Variants in NHS observed in about 807,000 individuals in gnomAD.
The protein encoded by NHS is actin remodeling regulator NHS.
In NHS, 5 loss-of-function variants were observed where a neutral mutation model predicts 72.5. The observed-to-expected ratio is 0.07, with a 90% CI of 0.04 to 0.14. The LOEUF (loss-of-function observed/expected upper bound fraction) is 0.14. Among genes scored for constraint, NHS ranks in the 10% least tolerant of loss-of-function variants. The pLI, the probability that NHS is intolerant of heterozygous loss-of-function variation, is 1.00. For synonymous variants in NHS, 464 were observed against 547.7 expected, an observed-to-expected ratio of 0.85 and a Z score of 2.13; for missense variants, 1,072 against 1,355.7, an observed-to-expected ratio of 0.79 and a Z score of 3.29.
chrX:17,714,377 G>A (rs781708452), intron 3 of NHS, among the ~76,000 whole-genome samples: 21 of 111,014 alleles, frequency 1.9e-4, no homozygotes, highest in Admixed American at 1.1e-3. Context: ...ACTTATTCTG[G>A]GGAAACCAAA....
intron 1 of NHS, among the ~76,000 whole-genome samples, chrX:17,376,965 G>A (rs1487539529): frequency 8.9e-6 from 1 of 112,901 alleles, no homozygotes; most frequent in Non-Finnish European, 1.9e-5. Context: ...GGCCCGGAGG[G>A]GCCGCGGGGA....
chrX:17,718,114 T>G (rs1157231428), intron 3 of NHS, among the ~76,000 whole-genome samples: 1 of 110,734 alleles, frequency 9.0e-6, no homozygotes, highest in Non-Finnish European at 1.9e-5. Flanking sequence ...TATACTTTAC[T>G]CATTTAATCC....
intron 1 of NHS, among the ~76,000 whole-genome samples, chrX:17,531,406 C>T (rs1569273927): frequency 9.0e-6 from 1 of 111,105 alleles, no homozygotes; most frequent in Admixed American, 9.5e-5. Flanking sequence ...TCTCAGATCC[C>T]TCTTCTGCCC....
chrX:17,421,824 A>G (rs961137539), intron 1 of NHS, among the ~76,000 whole-genome samples: 6 of 111,735 alleles, frequency 5.4e-5, no homozygotes, highest in Admixed American at 1.9e-4. Flanking sequence ...TGATCCGCCC[A>G]CCTCAGCTTC....
At position 17,471,458 on chromosome X, in the gene NHS, T is replaced by A. The variant is rs1271944949; in HGVS notation, c.565+95136T>A. Among the ~76,000 whole-genome samples, 3 of 112,640 alleles carry A rather than the reference T, an allele frequency of 2.7e-5. No homozygotes were observed. The Admixed American group carries it at 2.8e-4, about 11-fold the overall frequency. ...TGGAAAAGAGCAACATTTAGATTTT[T>A]AAAAAATAACAAATTATCCAATTAT... On this transcript the variant is annotated intron_variant, in intron 1 of 8. Coordinates refer to ENST00000676302, the MANE Select transcript of NHS (RefSeq NM_001291867.2).
chrX:17,600,311 A>T (rs745376283), intron 1 of NHS, among the ~76,000 whole-genome samples: 210 of 109,997 alleles, frequency 1.9e-3, no homozygotes, highest in African/African-American at 6.8e-3. Context: ...AGAGAGAGAG[A>T]GAGTGAGTTG....
chrX:17,487,621 A>T (rs911960861), intron 1 of NHS, among the ~76,000 whole-genome samples: 1 of 111,146 alleles, frequency 9.0e-6, no homozygotes. Context: ...TGGCTGTCCT[A>T]TGTGTCTGGT....
Position 17,387,839 on chromosome X carries a change from G to T in NHS, c.565+11517G>T, listed in dbSNP as rs139379476. ...TCAGGTTGTTGACAAAACTAAGAAA[G>T]TCAAGGTGTGCAGGCACTGAGAACT... is the stretch of plus-strand genomic sequence containing the variant. On this transcript the variant is annotated intron_variant, in intron 1 of 8. Transcript: ENST00000676302. Among the ~76,000 whole-genome samples, 541 of 113,184 alleles carry T rather than the reference G, an allele frequency of 4.8e-3. 3 individuals carry two copies. Among genetic ancestry groups the T allele is most frequent in the Non-Finnish European group, 6.4e-3 (342 of 53,432 alleles).
At chrX:17,713,033 T>C (rs2066344163) in intron 3 of NHS, among the ~76,000 whole-genome samples, 1 of 111,642 alleles carries the variant, frequency 9.0e-6, no homozygotes, top group African/African-American at 3.3e-5. Flanking sequence ...AGGGTGAATG[T>C]AGAATGATGT....
chrX:17,730,475 A>G (rs2066479921), intron 8 of NHS, among the ~76,000 whole-genome samples: 1 of 112,441 alleles, frequency 8.9e-6, no homozygotes, highest in African/African-American at 3.2e-5. Flanking sequence ...TGCCATATAC[A>G]AGATATCAAC....
intron 1 of NHS, among the ~76,000 whole-genome samples, chrX:17,397,905 T>C (rs1018133136): frequency 6.3e-5 from 7 of 111,792 alleles, no homozygotes; most frequent in Non-Finnish European, 1.9e-5. Context: ...AGGGACTCCA[T>C]AAGGAAGAAG....
At chrX:17,543,178 T>G (rs983893811) in intron 1 of NHS, among the ~76,000 whole-genome samples, 1 of 111,632 alleles carries the variant, frequency 9.0e-6, no homozygotes, top group African/African-American at 3.3e-5. Flanking sequence ...ACTGGTGATG[T>G]TGGCCCACGG....
At chrX:17,493,492 CTT>C (rs1166164160) in intron 1 of NHS, among the ~76,000 whole-genome samples, 1 of 111,963 alleles carries the variant, frequency 8.9e-6, no homozygotes, top group Non-Finnish European at 1.9e-5. Context: ...AAGGAAAAGA[CTT>C]TGTCTGCTTG....
At chrX:17,502,237 G>T (rs973439093) in intron 1 of NHS, among the ~76,000 whole-genome samples, 2 of 111,341 alleles carry the variant, frequency 1.8e-5, no homozygotes, top group African/African-American at 6.5e-5. Flanking sequence ...TCACAGGAAG[G>T]TCACATGAAC....
At chrX:17,579,448 TTC>T (rs985386207) in intron 1 of NHS, among the ~76,000 whole-genome samples, 227 of 109,537 alleles carry the variant, frequency 2.1e-3, no homozygotes, top group Middle Eastern at 9.3e-3. Flanking sequence ...TAGGATTCCA[TTC>T]TCTCTCTCTC....
intron 1 of NHS, among the ~76,000 whole-genome samples, chrX:17,531,074 A>G (rs2065195990): frequency 9.0e-6 from 1 of 110,885 alleles, no homozygotes; most frequent in African/African-American, 3.3e-5. Context: ...GGCAGCCTTT[A>G]TTTCTCTCTC....
At chrX:17,586,286 C>T (rs1020055262) in intron 1 of NHS, 2 of 111,499 alleles carry the variant, frequency 1.8e-5, no homozygotes, top group African/African-American at 6.5e-5. Context: ...ACTGCAGACT[C>T]TCTTCTCTGG....
intron 1 of NHS, among the ~76,000 whole-genome samples, chrX:17,473,598 C>A (rs1328861340): frequency 8.9e-6 from 1 of 112,128 alleles, no homozygotes; most frequent in Admixed American, 9.5e-5. Flanking sequence ...CTTTTTCAAC[C>A]ATTTCATGAA....
chrX:17,643,151 T>C (rs1294629900), intron 1 of NHS, among the ~76,000 whole-genome samples: 2 of 112,398 alleles, frequency 1.8e-5, no homozygotes, highest in Admixed American at 9.4e-5. Context: ...TCTCCTTCCA[T>C]AGATGAAGAA....
Sources: gnomAD v4.1 joint callset for allele counts (sites outside exome capture counted in the v4.1 genomes callset) on GRCh38, gnomAD v4.1.1 for gene constraint, MANE v1.5 for transcripts, NCBI Gene and HGNC (gene_info 2026-07-23, HGNC 2026-07-21) for gene names.